OR13A1: variants seen among roughly 807,000 people sequenced by gnomAD.
OR13A1 encodes the protein olfactory receptor 13A1.
OR13A1 carries 10 observed loss-of-function variants against 7.5 expected under a neutral mutation model. That is an observed-to-expected ratio of 1.34 (90% CI 0.83 to 2.27). The LOEUF is 2.27. Ranked by LOEUF, OR13A1 falls within the 30% of genes most tolerant of loss-of-function variation. The pLI is 0.00. For synonymous variants in OR13A1, 238 were observed against 177.9 expected (o/e 1.34, Z -2.69); for missense variants, 509 against 419.1 (o/e 1.21, Z -1.87).
At position 45,307,560 on chromosome 10, in the gene OR13A1, C is replaced by T. The variant is rs1838358726; in HGVS notation, c.-147G>A. ...AGATTTCTTTACAGCCTCAGCCAGTCATTTCTTCTGAAAAATAACAAAGAC... is the reference window on the plus strand; with the variant it reads ...AGATTTCTTTACAGCCTCAGCCAGTTATTTCTTCTGAAAAATAACAAAGAC... On this transcript the variant is annotated 5_prime_UTR_variant, in exon 3 of 4. An upstream start codon of the reference 5' UTR is lost. Coordinates refer to ENST00000553795, the MANE Select transcript of OR13A1 (RefSeq NM_001004297.3). 1 of 152,202 alleles carries T rather than the reference C, an allele frequency of 6.6e-6. No homozygotes were observed. Among genetic ancestry groups the T allele is most frequent in the Non-Finnish European group, 1.5e-5 (1 of 68,028 alleles). 9.4% of individuals were successfully genotyped at this position (152,202 alleles called of 1,614,324 possible).
At chr10:45,314,291 T>G (rs1036915754) in intron 1 of OR13A1, among the ~76,000 whole-genome samples, 1 of 152,016 alleles carries the variant, frequency 6.6e-6, no homozygotes, top group Non-Finnish European at 1.5e-5. Flanking sequence ...GCTATAAATA[T>G]GTGCATTATA....
intron 1 of OR13A1, among the ~76,000 whole-genome samples, chr10:45,309,192 C>T (rs1163891632): frequency 1.3e-5 from 2 of 152,148 alleles, no homozygotes; most frequent in South Asian, 2.1e-4. Context: ...GTGCTCAGAA[C>T]GTGTCCACAC....
At position 45,307,464 on chromosome 10, in the gene OR13A1, T is replaced by G. The variant is rs1468916453; in HGVS notation, c.-51A>C. The G allele has an allele frequency of 1.3e-5, 2 of 152,156 alleles. No homozygotes were observed. Among genetic ancestry groups the G allele is most frequent in the African/African-American group, 4.8e-5 (2 of 41,402 alleles). The allele number at this position is 152,156 out of a possible 1,614,324, so 9.4% of individuals were successfully genotyped here. A position where few individuals can be genotyped will look rare whatever the true frequency, so the allele number is the denominator to read the frequency against. Reference sequence around the variant, plus strand: ...TTGGGTGGGGACAGGAGGACAGTCTTCTCAATCAACTGGTCAATAATGAGA... The same window carrying G: ...TTGGGTGGGGACAGGAGGACAGTCTGCTCAATCAACTGGTCAATAATGAGA... On this transcript the variant is annotated 5_prime_UTR_variant, in exon 3 of 4. Transcript: ENST00000553795.
rs1838249556 is a variant in OR13A1, at chr10:45,303,484, C to T, written c.939G>A (p.Lys313=). ...LNPLIYTLRN[K]EVKAALRKLF... ...GCTTCCTGAGGGCTGCTTTGACCTC[C>T]TTGTTTCTCAAAGTATAGATGAGGG... Residue 313 remains lysine, a synonymous_variant, in exon 4 of 4, where the codon AAG becomes AAA. Coordinates refer to ENST00000553795, the MANE Select transcript of OR13A1 (RefSeq NM_001004297.3). 1.9e-6 allele frequency: 3 copies of T among 1,611,464 alleles called. No individual in the cohort carries two copies. The highest frequency in any genetic ancestry group is 1.1e-5 in the South Asian group (1 of 90,596).
chr10:45,311,320 T>G (rs902723926), intron 1 of OR13A1, among the ~76,000 whole-genome samples: 3 of 152,194 alleles, frequency 2.0e-5, no homozygotes, highest in South Asian at 4.1e-4. Flanking sequence ...AGAAATACCA[T>G]TGTATCAGAG....
intron 3 of OR13A1, among the ~76,000 whole-genome samples, chr10:45,305,997 G>T (rs1838320543): frequency 1.3e-5 from 2 of 152,230 alleles, no homozygotes; most frequent in South Asian, 2.1e-4. Flanking sequence ...CAGGCAGTGT[G>T]TAGACACTCA....
chr10:45,314,757 G>A (rs1291750823), intron 1 of OR13A1, among the ~76,000 whole-genome samples: 3 of 151,988 alleles, frequency 2.0e-5, no homozygotes, highest in African/African-American at 7.2e-5. Flanking sequence ...AAATCAAAAG[G>A]ATTATAAGAA....
At chr10:45,309,744 T>C (rs1838405887) in intron 1 of OR13A1, among the ~76,000 whole-genome samples, 2 of 152,184 alleles carry the variant, frequency 1.3e-5, no homozygotes, top group African/African-American at 4.8e-5. Flanking sequence ...TCCATATTAG[T>C]TAGCAAGCAG....
chr10:45,308,812 G>A (rs1350115046), intron 1 of OR13A1: 1 of 152,282 alleles, frequency 6.6e-6, no homozygotes, highest in Middle Eastern at 3.4e-3. Context: ...TGACATTGAG[G>A]CAGTGTGCAA....
intron 1 of OR13A1, among the ~76,000 whole-genome samples, chr10:45,310,311 T>C (rs897902628): frequency 6.6e-6 from 1 of 152,192 alleles, no homozygotes; most frequent in Non-Finnish European, 1.5e-5. Context: ...TCCAGACTGA[T>C]GGGGCAGTCT....
intron 1 of OR13A1, among the ~76,000 whole-genome samples, chr10:45,310,632 GA>G (rs11390013): frequency 1.3e-5 from 2 of 151,950 alleles, no homozygotes; most frequent in Non-Finnish European, 2.9e-5. Context: ...TGGATTTTTG[GA>G]AAAAAACTAA....
chr10:45,305,137 A>G (rs537857830), intron 3 of OR13A1, among the ~76,000 whole-genome samples: 1 of 152,230 alleles, frequency 6.6e-6, no homozygotes, highest in Non-Finnish European at 1.5e-5. Flanking sequence ...TGGAAGGCTG[A>G]GGCAGGAGAA....
rs766869805 is a variant in OR13A1, at chr10:45,313,241, G to GT, written c.-225+2282dup. On this transcript the variant is annotated intron_variant, in intron 1 of 3. Coordinates refer to ENST00000553795, the MANE Select transcript of OR13A1 (RefSeq NM_001004297.3). ...AAATAGCTTGTTAACACTTTAAGATGTTTTTTATAATTCTTATGGTAACCA... is the reference window on the plus strand; with the variant it reads ...AAATAGCTTGTTAACACTTTAAGATGTTTTTTTATAATTCTTATGGTAACCA... Among the ~76,000 whole-genome samples the GT allele has an allele frequency of 1.2e-3, 180 of 151,882 alleles. 1 individual carries two copies. The highest frequency in any genetic ancestry group is 2.6e-3 in the Admixed American group (40 of 15,260).
At chr10:45,306,586 C>G (rs1228498545) in intron 3 of OR13A1, among the ~76,000 whole-genome samples, 2 of 152,104 alleles carry the variant, frequency 1.3e-5, no homozygotes, top group Non-Finnish European at 2.9e-5. Context: ...TGTCAAGATT[C>G]AAGAAATGTA....
chr10:45,311,255 G>A (rs573942334), intron 1 of OR13A1, among the ~76,000 whole-genome samples: 1 of 152,178 alleles, frequency 6.6e-6, no homozygotes, highest in East Asian at 1.9e-4. Flanking sequence ...CAAGACATTC[G>A]CCTTCAACTT....
intron 3 of OR13A1, among the ~76,000 whole-genome samples, chr10:45,306,009 A>G (rs886547830): frequency 6.6e-6 from 1 of 152,144 alleles, no homozygotes; most frequent in African/African-American, 2.4e-5. Flanking sequence ...AGACACTCAA[A>G]TATGTGTGTT....
chr10:45,305,001 C>A (rs1383403332), intron 3 of OR13A1, among the ~76,000 whole-genome samples: 1 of 152,114 alleles, frequency 6.6e-6, no homozygotes, highest in Non-Finnish European at 1.5e-5. Flanking sequence ...GAGGCCGAGG[C>A]AGGCAGATCA....
chr10:45,306,026 A>C (rs1838321327), intron 3 of OR13A1, among the ~76,000 whole-genome samples: 1 of 152,252 alleles, frequency 6.6e-6, no homozygotes, highest in Non-Finnish European at 1.5e-5. Context: ...TGTTTAAATA[A>C]TGCTAAAGAA....
Position 45,303,468 on chromosome 10 carries a change from G to A in OR13A1, c.955C>T (p.Leu319Phe), listed in dbSNP as rs747131225. 7.2e-5 allele frequency: 115 copies of A among 1,603,914 alleles called. 1 individual carries two copies. The East Asian group carries it at 2.4e-3, about 33-fold the overall frequency. The change falls in exon 4 of 4, where the codon CTC becomes TTC. Residue 319 changes from leucine (L) to phenylalanine (F), a missense_variant. Transcript: ENST00000553795. ...TLRNKEVKAALRKLFPFFRN is the reference protein window; with the variant it reads ...TLRNKEVKAAFRKLFPFFRN ...CTGAAGAAAGGGAAAAGCTTCCTGA[G>A]GGCTGCTTTGACCTCCTTGTTTCTC... is the stretch of plus-strand genomic sequence containing the variant.
Sources: allele counts gnomAD v4.1 joint callset (sites outside exome capture counted in the v4.1 genomes callset), GRCh38; gene constraint gnomAD v4.1.1; transcripts MANE v1.5; gene names NCBI Gene and HGNC (gene_info 2026-07-23, HGNC 2026-07-21).